PTPRD: variants seen among roughly 807,000 people sequenced by gnomAD.
PTPRD encodes receptor-type tyrosine-protein phosphatase delta.
Under a neutral mutation model 214.5 loss-of-function variants are expected in PTPRD, and 34 were observed. The observed-to-expected ratio is 0.16, with a 90% CI of 0.12 to 0.21. The LOEUF (loss-of-function observed/expected upper bound fraction) is 0.21, where lower values mean the gene tolerates loss of function less well. PTPRD is among the 10% of genes least tolerant of loss of function. The probability of loss-of-function intolerance (pLI) is 1.00; values close to 1 mark genes in which losing one functional copy is unlikely to be tolerated. For synonymous variants in PTPRD, 1,128 were observed against 845.7 expected (o/e 1.33, Z -5.79); for missense variants, 2,545 against 2,398.7 (o/e 1.06, Z -1.27).
chr9:9,784,481 A>T (rs2154492285), intron 5 of PTPRD, among the ~76,000 whole-genome samples: 1 of 152,190 alleles, frequency 6.6e-6, no homozygotes, highest in South Asian at 2.1e-4. Context: ...TAGAACTACA[A>T]CTTATTTTAC....
intron 6 of PTPRD, among the ~76,000 whole-genome samples, chr9:9,748,908 G>A (rs767748069): frequency 2.0e-5 from 3 of 152,098 alleles, no homozygotes; most frequent in Non-Finnish European, 2.9e-5. Flanking sequence ...CATTTATTGT[G>A]TACTACTGTA....
chr9:9,211,466 C>A (rs1235718187), intron 9 of PTPRD, among the ~76,000 whole-genome samples: 2 of 148,088 alleles, frequency 1.4e-5, no homozygotes, highest in African/African-American at 5.0e-5. Flanking sequence ...CACTGGTTTT[C>A]CTTCCTTCCT....
intron 3 of PTPRD, among the ~76,000 whole-genome samples, chr9:10,235,621 T>A (rs1048071929): frequency 2.0e-5 from 3 of 152,022 alleles, no homozygotes; most frequent in African/African-American, 4.8e-5. Flanking sequence ...CCAGCTGGTC[T>A]GGTAGTCAAC....
chr9:8,442,830 T>C (rs769930126), intron 34 of PTPRD, among the ~76,000 whole-genome samples: 50 of 152,120 alleles, frequency 3.3e-4, no homozygotes, highest in Non-Finnish European at 6.0e-4. Context: ...TAGATTTAAT[T>C]TGTGACTGGG....
intron 41 of PTPRD, 89 bp from the exon 42 acceptor site, chr9:8,340,558 T>TA (rs1564089316): frequency 1.5e-6 from 2 of 1,306,418 alleles, no homozygotes; most frequent in Non-Finnish European, 2.0e-6. Flanking sequence ...AACCTGCTAA[T>TA]AAAAAACGAA....
chr9:8,981,589 A>AT (rs1443223325), intron 11 of PTPRD, among the ~76,000 whole-genome samples: 1 of 151,946 alleles, frequency 6.6e-6, no homozygotes, highest in Non-Finnish European at 1.5e-5. Context: ...CCCAGTGCTT[A>AT]TTTTTTCTGT....
chr9:9,159,449 T>A (rs578203444), intron 10 of PTPRD, among the ~76,000 whole-genome samples: 116 of 152,182 alleles, frequency 7.6e-4, no homozygotes, highest in Non-Finnish European at 1.4e-3. Flanking sequence ...TAGAAAACAA[T>A]CTCATTTATA....
At chr9:10,255,750 T>C (rs1057296716) in intron 3 of PTPRD, among the ~76,000 whole-genome samples, 5 of 152,224 alleles carry the variant, frequency 3.3e-5, no homozygotes, top group African/African-American at 1.2e-4. Flanking sequence ...TGTGCAGCTG[T>C]ACAAAAATTT....
rs1831284021 is a variant in PTPRD at position 8,324,223 on chromosome 9, T to C, written c.5535-4257A>G. ...CCATCAACCCATCATCTACATTAGG[T>C]ATATCTCCTGATGCTATCCCTCCCC... On this transcript the variant is annotated intron_variant, in intron 44 of 45. Coordinates refer to ENST00000381196, the MANE Select transcript of PTPRD (RefSeq NM_002839.4). Among the ~76,000 whole-genome samples the C allele has an allele frequency of 2.0e-5, 3 of 151,898 alleles. No individual in the cohort carries two copies. The South Asian group carries it at 6.2e-4, about 32-fold the overall frequency.
chr9:9,823,315 A>G (rs1042484897), intron 5 of PTPRD, among the ~76,000 whole-genome samples: 1 of 152,072 alleles, frequency 6.6e-6, no homozygotes, highest in African/African-American at 2.4e-5. Context: ...CATGGTGAAA[A>G]TAGGAGCAAG....
At chr9:9,048,719 A>T (rs766486272) in intron 10 of PTPRD, among the ~76,000 whole-genome samples, 3 of 152,100 alleles carry the variant, frequency 2.0e-5, no homozygotes, top group Non-Finnish European at 4.4e-5. Flanking sequence ...TTTTAAACAG[A>T]GTAGAAAGAA....
chr9:9,678,737 G>A (rs1256834756), intron 7 of PTPRD, among the ~76,000 whole-genome samples: 1 of 151,670 alleles, frequency 6.6e-6, no homozygotes, highest in East Asian at 1.9e-4. Flanking sequence ...AGCATAACAA[G>A]GAGTCAGTCT....
At chr9:9,809,531 T>A (rs566732219) in intron 5 of PTPRD, among the ~76,000 whole-genome samples, 20 of 152,306 alleles carry the variant, frequency 1.3e-4, no homozygotes, top group Admixed American at 3.3e-4. Flanking sequence ...CCCAAAGTGC[T>A]GGGATTACAG....
At chr9:9,680,764 A>C (rs568983893) in intron 7 of PTPRD, among the ~76,000 whole-genome samples, 1 of 149,520 alleles carries the variant, frequency 6.7e-6, no homozygotes, top group African/African-American at 2.4e-5. Flanking sequence ...CTAACAGAGG[A>C]AGAGGAGAAA....
At chr9:10,601,439 G>T (rs1009315677) in intron 2 of PTPRD, among the ~76,000 whole-genome samples, 3 of 151,726 alleles carry the variant, frequency 2.0e-5, no homozygotes, top group African/African-American at 7.3e-5. Flanking sequence ...CTGTCTTACA[G>T]TTGCAAATTT....
chr9:8,786,472 C>G (rs1320656884), intron 11 of PTPRD, among the ~76,000 whole-genome samples: 3 of 143,256 alleles, frequency 2.1e-5, no homozygotes, highest in Non-Finnish European at 4.5e-5. Flanking sequence ...TGCAGTGGCT[C>G]CATCTCAGCT....
chr9:9,657,215 G>C (rs1209093741), intron 7 of PTPRD, among the ~76,000 whole-genome samples: 2 of 151,934 alleles, frequency 1.3e-5, no homozygotes, highest in Non-Finnish European at 2.9e-5. Flanking sequence ...AAATTTTATA[G>C]TAAAAAATTG....
intron 8 of PTPRD, among the ~76,000 whole-genome samples, chr9:9,436,506 G>A (rs945117862): frequency 3.3e-5 from 5 of 152,040 alleles, no homozygotes; most frequent in African/African-American, 7.2e-5. Flanking sequence ...TTGATTTTTG[G>A]ATGGAGTTTA....
chr9:8,783,347 A>G (rs1044224028), intron 11 of PTPRD, among the ~76,000 whole-genome samples: 2 of 152,226 alleles, frequency 1.3e-5, no homozygotes, highest in African/African-American at 4.8e-5. Flanking sequence ...AACTTTCTGT[A>G]TATCATAAAG....
Sources: allele counts gnomAD v4.1 joint callset (sites outside exome capture counted in the v4.1 genomes callset), GRCh38; gene constraint gnomAD v4.1.1; transcripts MANE v1.5; gene names NCBI Gene and HGNC (gene_info 2026-07-23, HGNC 2026-07-21).